GRIN2A: variants seen among roughly 807,000 people sequenced by gnomAD.
GRIN2A encodes glutamate ionotropic receptor NMDA type subunit 2A.
GRIN2A carries 22 observed loss-of-function variants against 113.4 expected under a neutral mutation model. That is an observed-to-expected ratio of 0.19 (90% CI 0.14 to 0.28). GRIN2A has a LOEUF of 0.28. Ranked by LOEUF, GRIN2A falls within the 10% of genes least tolerant of loss-of-function variation. The pLI is 1.00. For missense variants in GRIN2A, 1,502 were observed against 1,887.0 expected (o/e 0.80, Z 3.78); for synonymous variants, 827 against 738.4 (o/e 1.12, Z -1.94).
intron 2 of GRIN2A, among the ~76,000 whole-genome samples, chr16:10,171,277 T>C (rs1289686356): frequency 2.0e-5 from 3 of 152,174 alleles, no homozygotes; most frequent in Admixed American, 6.5e-5. Context: ...CATCTGAAAA[T>C]AGAGATTCTT....
intron 2 of GRIN2A, among the ~76,000 whole-genome samples, chr16:10,166,451 T>C (rs1209404737): frequency 2.0e-5 from 3 of 152,286 alleles, no homozygotes; most frequent in African/African-American, 7.2e-5. Context: ...TCTTCAGCTG[T>C]GGGGGATGAC....
intron 11 of GRIN2A, among the ~76,000 whole-genome samples, chr16:9,789,118 T>G (rs906392971): frequency 1.6e-4 from 25 of 152,346 alleles, no homozygotes; most frequent in Admixed American, 5.2e-4. Context: ...GGCCAGATAA[T>G]AAACATACTG....
intron 2 of GRIN2A, among the ~76,000 whole-genome samples, chr16:10,068,597 C>A (rs1596475236): frequency 6.6e-6 from 1 of 152,236 alleles, no homozygotes; most frequent in East Asian, 1.9e-4. Flanking sequence ...CAAACACTTC[C>A]CACCAGGCCC....
At chr16:9,807,224 AAAAAGTGGG>A (rs1286939408) in intron 10 of GRIN2A, among the ~76,000 whole-genome samples, 8 of 89,752 alleles carry the variant, frequency 8.9e-5, no homozygotes, top group South Asian at 5.2e-4. Context: ...GGAGAGGGGG[AAAAAGTGGG>A]GGGAGAGAGG....
intron 2 of GRIN2A, among the ~76,000 whole-genome samples, chr16:9,984,863 T>A (rs1402341010): frequency 1.3e-5 from 2 of 152,224 alleles, no homozygotes; most frequent in Admixed American, 1.3e-4. Context: ...TGTTAGTTTG[T>A]CTGTTTTTTG....
chr16:9,810,115 A>C (rs1292057509), intron 10 of GRIN2A, among the ~76,000 whole-genome samples: 1 of 152,168 alleles, frequency 6.6e-6, no homozygotes, highest in Admixed American at 6.5e-5. Flanking sequence ...TAAACAACTG[A>C]GACCAGGAGG....
chr16:9,809,751 A>AGAG, intron 10 of GRIN2A, among the ~76,000 whole-genome samples: 1 of 152,114 alleles, frequency 6.6e-6, no homozygotes, highest in South Asian at 2.1e-4. Context: ...GATTAAACTA[A>AGAG]GAGTTACAGG....
intron 2 of GRIN2A, among the ~76,000 whole-genome samples, chr16:9,941,058 G>C (rs187680021): frequency 7.2e-5 from 11 of 152,212 alleles, no homozygotes; most frequent in Admixed American, 3.3e-4. Flanking sequence ...CCAGTCACCA[G>C]AGTTACCTTC....
intron 2 of GRIN2A, among the ~76,000 whole-genome samples, chr16:10,076,866 A>G (rs2047882938): frequency 6.6e-6 from 1 of 152,198 alleles, no homozygotes; most frequent in Non-Finnish European, 1.5e-5. Context: ...AACAAGGTCC[A>G]CACCCTAATT....
rs1408127154 is a variant in GRIN2A at position 9,838,340 on chromosome 16, T to A, written c.1651+2307A>T. On this transcript the variant is annotated intron_variant, in intron 7 of 12. Coordinates refer to ENST00000330684, the MANE Select transcript of GRIN2A (RefSeq NM_001134407.3). ...GAAGTTATTATATCAAAAAGACACT[T>A]GCACACATATGTTTATCAGAGCACA... Among the ~76,000 whole-genome samples the A allele has an allele frequency of 3.3e-5, 5 of 152,210 alleles. No individual in the cohort carries two copies. In the East Asian group the frequency reaches 9.6e-4, roughly 29 times the overall value.
chr16:10,151,279 G>A (rs1246642522), intron 2 of GRIN2A, among the ~76,000 whole-genome samples: 1 of 152,170 alleles, frequency 6.6e-6, no homozygotes, highest in East Asian at 1.9e-4. Flanking sequence ...TCAAGTTTGT[G>A]AGTTCCCCCT....
At chr16:10,125,679 T>G (rs2048919173) in intron 2 of GRIN2A, among the ~76,000 whole-genome samples, 1 of 150,884 alleles carries the variant, frequency 6.6e-6, no homozygotes, top group African/African-American at 2.4e-5. Context: ...CCCTGGCTGT[T>G]TTGCTAAGCC....
At chr16:9,923,140 A>G (rs1025808657) in intron 3 of GRIN2A, among the ~76,000 whole-genome samples, 5 of 152,026 alleles carry the variant, frequency 3.3e-5, no homozygotes, top group African/African-American at 1.2e-4. Flanking sequence ...CATTATTTTG[A>G]AGCTATACTA....
chr16:9,985,325 T>C (rs2045960078), intron 2 of GRIN2A, among the ~76,000 whole-genome samples: 1 of 152,220 alleles, frequency 6.6e-6, no homozygotes, highest in Non-Finnish European at 1.5e-5. Flanking sequence ...TACCTGCCTT[T>C]ATCATTAGGA....
At chr16:9,934,459 T>A (rs1425598020) in intron 3 of GRIN2A, among the ~76,000 whole-genome samples, 1 of 151,988 alleles carries the variant, frequency 6.6e-6, no homozygotes, top group East Asian at 1.9e-4. Flanking sequence ...GGCGGGTGGA[T>A]CACCTGAGGT....
chr16:10,120,186 C>T (rs760207936), intron 2 of GRIN2A, among the ~76,000 whole-genome samples: 3 of 152,150 alleles, frequency 2.0e-5, no homozygotes, highest in Non-Finnish European at 4.4e-5. Context: ...AACAAATTTA[C>T]ATTCAACTGG....
At chr16:9,823,590 T>G (rs1029917134) in intron 9 of GRIN2A, among the ~76,000 whole-genome samples, 2 of 152,212 alleles carry the variant, frequency 1.3e-5, no homozygotes, top group African/African-American at 4.8e-5. Flanking sequence ...CAACAATGAC[T>G]AACACTTTTT....
chr16:10,170,181 T>C (rs527788876), intron 2 of GRIN2A, among the ~76,000 whole-genome samples: 1 of 152,212 alleles, frequency 6.6e-6, no homozygotes, highest in Non-Finnish European at 1.5e-5. Flanking sequence ...ATGAGCCAGA[T>C]TCAGCGTGCA....
intron 2 of GRIN2A, among the ~76,000 whole-genome samples, chr16:10,063,164 G>C (rs1169960110): frequency 2.6e-5 from 4 of 152,110 alleles, no homozygotes; most frequent in African/African-American, 9.7e-5. Context: ...ATAAGTGAGA[G>C]CTAAACACTG....
Sources: gnomAD v4.1 joint callset for allele counts (sites outside exome capture counted in the v4.1 genomes callset) on GRCh38, gnomAD v4.1.1 for gene constraint, MANE v1.5 for transcripts, NCBI Gene and HGNC (gene_info 2026-07-23, HGNC 2026-07-21) for gene names.